MINDY2: variants seen among roughly 807,000 people sequenced by gnomAD.
MINDY2 encodes the protein ubiquitin carboxyl-terminal hydrolase MINDY-2.
MINDY2 carries 52 observed loss-of-function variants against 68.2 expected under a neutral mutation model. That is an observed-to-expected ratio of 0.76 (90% CI 0.61 to 0.96). The LOEUF (loss-of-function observed/expected upper bound fraction) is 0.96. MINDY2 is among the 40% of genes least tolerant of loss of function. MINDY2 has a pLI of 0.00. For missense variants in MINDY2, 881 were observed against 773.4 expected (o/e 1.14, Z -1.65); for synonymous variants, 372 against 303.0 (o/e 1.23, Z -2.36).
intron 2 of MINDY2, among the ~76,000 whole-genome samples, chr15:58,797,736 A>G (rs767423928): frequency 1.3e-5 from 2 of 152,110 alleles, no homozygotes; most frequent in Non-Finnish European, 1.5e-5. Context: ...CCTGCTCGTT[A>G]TCACTAGCAC....
chr15:58,771,802 C>G lies in MINDY2; in HGVS notation c.407C>G (p.Ala136Gly). 1 of 1,609,830 alleles carries G rather than the reference C, an allele frequency of 6.2e-7. No homozygotes were observed. Among genetic ancestry groups the G allele is most frequent in the Non-Finnish European group, 8.5e-7 (1 of 1,178,854 alleles). Residue 136 changes from alanine (A) to glycine (G), a missense_variant, in exon 1 of 9, where the codon GCC becomes GGC. Coordinates refer to ENST00000559228, the MANE Select transcript of MINDY2 (RefSeq NM_001040450.3). ...AGDAGARPDLAGTCQAELTAA... is the reference protein window; with the variant it reads ...AGDAGARPDLGGTCQAELTAA... ...GACGCGGGAGCCCGCCCGGATCTCG[C>G]CGGCACCTGCCAAGCAGAACTGACC...
chr15:58,860,558 A>C lies in MINDY2; in HGVS notation c.*5948A>C, dbSNP rs946259609. 8 of 148,024 alleles carry C rather than the reference A, an allele frequency of 5.4e-5. No homozygotes were observed. Among genetic ancestry groups the C allele is most frequent in the African/African-American group, 1.5e-4 (6 of 39,700 alleles). The allele number at this position is 148,024 out of a possible 1,614,324, so 9.2% of individuals were successfully genotyped here. On this transcript the variant is annotated 3_prime_UTR_variant, in exon 9 of 9. Coordinates refer to ENST00000559228, the MANE Select transcript of MINDY2 (RefSeq NM_001040450.3). ...CACTGCACTCCAGCCTGGGCGACTGAGCGAGACTCTTATATCTCAAAAAAA... is the reference window on the plus strand; with the variant it reads ...CACTGCACTCCAGCCTGGGCGACTGCGCGAGACTCTTATATCTCAAAAAAA...
chr15:58,823,445 G>A (rs1424443976), intron 5 of MINDY2, among the ~76,000 whole-genome samples: 1 of 151,908 alleles, frequency 6.6e-6, no homozygotes, highest in Non-Finnish European at 1.5e-5. Flanking sequence ...AGGCTGAGGC[G>A]GGAGGATTGC....
intron 2 of MINDY2, among the ~76,000 whole-genome samples, chr15:58,793,573 C>T (rs191998062): frequency 8.5e-5 from 13 of 152,112 alleles, no homozygotes; most frequent in African/African-American, 2.7e-4. Flanking sequence ...TAGCTTGTAT[C>T]GTATGTGGAT....
At chr15:58,785,915 G>A (rs1478138645) in intron 1 of MINDY2, among the ~76,000 whole-genome samples, 1 of 152,062 alleles carries the variant, frequency 6.6e-6, no homozygotes, top group Non-Finnish European at 1.5e-5. Flanking sequence ...CTGACCTCAA[G>A]TGATCTGCCC....
chr15:58,826,594 G>C (rs1331591644), intron 5 of MINDY2, among the ~76,000 whole-genome samples: 1 of 152,036 alleles, frequency 6.6e-6, no homozygotes, highest in Non-Finnish European at 1.5e-5. Flanking sequence ...ACCTGTAAAT[G>C]CTTCATCATT....
intron 7 of MINDY2, 56 bp from the exon 8 acceptor site, chr15:58,851,715 C>G: frequency 1.5e-6 from 2 of 1,311,316 alleles, no homozygotes; most frequent in Non-Finnish European, 2.1e-6. Context: ...TATTTGCAGT[C>G]ATTCATTCTT....
chr15:58,771,888 A>G lies in MINDY2; in HGVS notation c.493A>G (p.Ser165Gly). 6.4e-7 allele frequency: 1 copy of G among 1,570,438 alleles called. No homozygotes were observed. The highest frequency in any genetic ancestry group is 1.9e-5 in the Admixed American group (1 of 52,788). Residue 165 changes from serine to glycine, a missense_variant, in exon 1 of 9, where the codon AGC becomes GGC. Ser to Gly is a moderately conservative substitution (Grantham distance 56). Coordinates refer to ENST00000559228, the MANE Select transcript of MINDY2 (RefSeq NM_001040450.3). ...CCTCAGCAGCAGTTGCAGCGACCCG[A>G]GCCCTCCTGGGGAATCTCCGAGCCT... ...GGLSSSCSDP[S>G]PPGESPSLDS...
At chr15:58,836,771 A>G (rs1366668919) in intron 6 of MINDY2, among the ~76,000 whole-genome samples, 1 of 152,024 alleles carries the variant, frequency 6.6e-6, no homozygotes, top group Non-Finnish European at 1.5e-5. Context: ...GGTGTACACG[A>G]TCACACCTGG....
intron 4 of MINDY2, among the ~76,000 whole-genome samples, chr15:58,813,713 C>T (rs1595740978): frequency 1.3e-5 from 2 of 151,482 alleles, no homozygotes; most frequent in Non-Finnish European, 2.9e-5. Flanking sequence ...GCTGGGACTA[C>T]AGGCATGCAC....
intron 2 of MINDY2, among the ~76,000 whole-genome samples, chr15:58,799,508 G>A (rs1463979903): frequency 6.6e-6 from 1 of 151,494 alleles, no homozygotes; most frequent in Non-Finnish European, 1.5e-5. Flanking sequence ...GAACCCGGGA[G>A]GCGGAGCTTG....
chr15:58,781,854 A>G (rs1298390803), intron 1 of MINDY2, among the ~76,000 whole-genome samples: 1 of 152,072 alleles, frequency 6.6e-6, no homozygotes, highest in East Asian at 1.9e-4. Context: ...GTGAGCCAAG[A>G]TCGTGCCACT....
intron 3 of MINDY2, among the ~76,000 whole-genome samples, chr15:58,807,070 A>T (rs1396478329): frequency 6.6e-6 from 1 of 152,204 alleles, no homozygotes; most frequent in Non-Finnish European, 1.5e-5. Flanking sequence ...TCATTTTTGT[A>T]ACCTAAATTT....
rs1355497600 is a variant in MINDY2, at chr15:58,847,229, C to A, written c.1369-68C>A. The A allele has an allele frequency of 2.4e-6, 3 of 1,262,452 alleles. No homozygotes were observed. The East Asian group carries it at 7.2e-5, about 30-fold the overall frequency. The allele number at this position is 1,262,452 out of a possible 1,614,324, so 78.2% of individuals were successfully genotyped here. A position where few individuals can be genotyped will look rare whatever the true frequency, so the allele number is the denominator to read the frequency against. ...CTGAAGATACAGATTGTAAAACTTT[C>A]CTTAAATATTATATTACTAGTTTTG... On this transcript the variant is annotated intron_variant, in intron 6 of 8. Coordinates refer to ENST00000559228, the MANE Select transcript of MINDY2 (RefSeq NM_001040450.3).
chr15:58,795,403 T>G (rs1902215279), intron 2 of MINDY2, among the ~76,000 whole-genome samples: 2 of 151,768 alleles, frequency 1.3e-5, no homozygotes, highest in African/African-American at 4.9e-5. Flanking sequence ...GTATGTGTTA[T>G]TTTGTTTTGT....
chr15:58,834,976 C>A (rs2031922611), intron 6 of MINDY2, among the ~76,000 whole-genome samples: 2 of 152,162 alleles, frequency 1.3e-5, no homozygotes, highest in Non-Finnish European at 2.9e-5. Context: ...ACATAAGGAT[C>A]AGATTTATTG....
At chr15:58,825,242 ATAGAGT>A (rs2031318038) in intron 5 of MINDY2, among the ~76,000 whole-genome samples, 1 of 152,236 alleles carries the variant, frequency 6.6e-6, no homozygotes, top group Admixed American at 6.5e-5. Context: ...AAATAATCAA[ATAGAGT>A]TAGGTGTTCT....
intron 1 of MINDY2, among the ~76,000 whole-genome samples, chr15:58,786,217 C>A (rs766293485): frequency 1.3e-5 from 2 of 152,090 alleles, no homozygotes; most frequent in South Asian, 2.1e-4. Context: ...AACGTAAACA[C>A]CTAGAGGACC....
intron 4 of MINDY2, chr15:58,815,738 A>G (rs1595743675): frequency 3.3e-5 from 5 of 151,570 alleles, no homozygotes; most frequent in Middle Eastern, 6.8e-3. Context: ...CTAGAGTGCT[A>G]TGGCGTGATC....
Sources: gnomAD v4.1 joint callset for allele counts (sites outside exome capture counted in the v4.1 genomes callset) on GRCh38, gnomAD v4.1.1 for gene constraint, MANE v1.5 for transcripts, NCBI Gene and HGNC (gene_info 2026-07-23, HGNC 2026-07-21) for gene names.